PATJ: variants seen among roughly 807,000 people sequenced by gnomAD.
PATJ encodes the protein inaD-like protein.
In PATJ, 190 loss-of-function variants were observed where a neutral mutation model predicts 224.9. That is an observed-to-expected ratio of 0.84 (90% CI 0.75 to 0.95). PATJ has a LOEUF of 0.95. PATJ is among the 40% of genes least tolerant of loss of function. The probability of loss-of-function intolerance (pLI) is 0.00; values close to 1 mark genes in which losing one functional copy is unlikely to be tolerated. For synonymous variants in PATJ, 769 were observed against 820.3 expected (o/e 0.94, Z 1.07); for missense variants, 2,121 against 2,270.3 (o/e 0.93, Z 1.34).
intron 24 of PATJ, among the ~76,000 whole-genome samples, chr1:61,906,117 A>G (rs1021754073): frequency 2.0e-5 from 3 of 152,176 alleles, no homozygotes; most frequent in Admixed American, 2.0e-4. Context: ...AGGGCAGCTC[A>G]GAGAAACACA....
At position 62,151,484 on chromosome 1, in the gene PATJ, G is replaced by A. The variant is rs374785512; in HGVS notation, c.5379-1874G>A. Reference sequence around the variant, plus strand: ...CAGGCGCCTGTAGTCCCAGCTACTCGGGAGGCTGAGGCAGGAGAATGGCAT... The same window carrying A: ...CAGGCGCCTGTAGTCCCAGCTACTCAGGAGGCTGAGGCAGGAGAATGGCAT... On this transcript the variant is annotated intron_variant, in intron 42 of 43. Coordinates refer to ENST00000642238, the MANE Select transcript of PATJ (RefSeq NM_001350145.3). Among the ~76,000 whole-genome samples the A allele has an allele frequency of 4.5e-3, 692 of 152,138 alleles. 4 individuals carry two copies. Among genetic ancestry groups the A allele is most frequent in the African/African-American group, 0.016 (655 of 41,500 alleles).
At chr1:62,026,929 T>C (rs776376545) in intron 29 of PATJ, among the ~76,000 whole-genome samples, 4 of 152,180 alleles carry the variant, frequency 2.6e-5, no homozygotes, top group Non-Finnish European at 4.4e-5. Context: ...CATAGCAACA[T>C]TATTTGCTGT....
chr1:62,137,580 C>T (rs1181369886), intron 41 of PATJ, among the ~76,000 whole-genome samples: 10 of 111,144 alleles, frequency 9.0e-5, no homozygotes, highest in African/African-American at 1.1e-4. Context: ...GGGACAGAGG[C>T]CTGAGGGGGA....
chr1:61,772,054 A>G (rs920316619), intron 6 of PATJ, among the ~76,000 whole-genome samples: 1 of 149,618 alleles, frequency 6.7e-6, no homozygotes, highest in Non-Finnish European at 1.5e-5. Context: ...AAAGATGATC[A>G]TATCTCTGAA....
intron 41 of PATJ, among the ~76,000 whole-genome samples, chr1:62,136,665 C>CTG (rs71050202): frequency 4.1e-3 from 190 of 46,844 alleles, no homozygotes; most frequent in African/African-American, 8.3e-3. Context: ...GTGTGTGTGT[C>CTG]TGTGTGTGTG....
At chr1:61,750,594 TG>T (rs749505896) in intron 1 of PATJ, among the ~76,000 whole-genome samples, 1 of 151,908 alleles carries the variant, frequency 6.6e-6, no homozygotes, top group African/African-American at 2.4e-5. Context: ...CCCGCGACCA[TG>T]CCTGGCTAAT....
chr1:61,821,771 T>C (rs765373256), intron 14 of PATJ, among the ~76,000 whole-genome samples: 1 of 152,162 alleles, frequency 6.6e-6, no homozygotes, highest in Non-Finnish European at 1.5e-5. Flanking sequence ...ATACAGGAAA[T>C]GCAAATCATC....
At chr1:61,881,629 C>G (rs1422525404) in intron 21 of PATJ, among the ~76,000 whole-genome samples, 1 of 152,050 alleles carries the variant, frequency 6.6e-6, no homozygotes, top group African/African-American at 2.4e-5. Flanking sequence ...CCAGGCTGGT[C>G]TCGAACTCCT....
intron 28 of PATJ, among the ~76,000 whole-genome samples, chr1:62,009,303 A>G (rs956997867): frequency 6.6e-6 from 1 of 152,228 alleles, no homozygotes; most frequent in Non-Finnish European, 1.5e-5. Flanking sequence ...TAAAGCAAGT[A>G]TCAGAATAAG....
chr1:61,974,405 C>CTCT (rs1434777894), intron 27 of PATJ, among the ~76,000 whole-genome samples: 52 of 64,280 alleles, frequency 8.1e-4, no homozygotes, highest in African/African-American at 3.2e-3. Context: ...CTCTCTCTCT[C>CTCT]TTTTTTTTTT....
intron 23 of PATJ, among the ~76,000 whole-genome samples, chr1:61,900,675 T>C (rs2482891): frequency 0.7 from 106,475 of 151,758 alleles, 37,473 homozygotes; most frequent in East Asian, 0.86. Context: ...CTGCAAGCTC[T>C]GCCTCCCGGG....
chr1:61,890,929 G>A (rs1669522013), intron 22 of PATJ, among the ~76,000 whole-genome samples: 1 of 152,112 alleles, frequency 6.6e-6, no homozygotes. Flanking sequence ...TTTAATAGAA[G>A]GTTTGCAGTG....
intron 17 of PATJ, among the ~76,000 whole-genome samples, chr1:61,842,113 C>T (rs1661192662): frequency 6.6e-6 from 1 of 152,064 alleles, no homozygotes; most frequent in Admixed American, 6.5e-5. Flanking sequence ...TTGTAGTGTG[C>T]TCAGGATGAC....
intron 24 of PATJ, among the ~76,000 whole-genome samples, chr1:61,907,767 T>A (rs1672052832): frequency 6.6e-6 from 1 of 152,236 alleles, no homozygotes; most frequent in Non-Finnish European, 1.5e-5. Context: ...CAGAGTGTGC[T>A]CTTGGAGATT....
At chr1:62,102,932 T>G (rs1662391851) in intron 33 of PATJ, among the ~76,000 whole-genome samples, 1 of 150,690 alleles carries the variant, frequency 6.6e-6, no homozygotes, top group African/African-American at 2.4e-5. Context: ...AGGGGGCCTA[T>G]GCATCATGCT....
chr1:62,097,034 C>A lies in PATJ; in HGVS notation c.4378-11403C>A, dbSNP rs567635844. 3.9e-5 allele frequency among the ~76,000 whole-genome samples: 6 copies of A among 152,270 alleles called. No homozygotes were observed. In the South Asian group the frequency reaches 1.2e-3, roughly 32 times the overall value. On this transcript the variant is annotated intron_variant, in intron 33 of 43. Coordinates refer to ENST00000642238, the MANE Select transcript of PATJ (RefSeq NM_001350145.3). ...AGCTGACACTTTACTTGGCATATAA[C>A]CCCATCTCATCCTGAAAATCTAAAA...
At position 61,908,255 on chromosome 1, in the gene PATJ, G is replaced by A. The variant is rs142436757; in HGVS notation, c.3382-117G>A. The stretch of plus-strand genomic sequence containing the variant: ...GGGCCAATCTTATTTTTTTCTGACC[G>A]TCTACTCATTAGACTCTGGTTGTTC... On this transcript the variant is annotated intron_variant, in intron 24 of 43. Transcript: ENST00000642238. 3.0e-4 allele frequency: 196 copies of A among 649,128 alleles called. 1 individual carries two copies. Among genetic ancestry groups the A allele is most frequent in the African/African-American group, 3.0e-3 (158 of 52,356 alleles). 40.2% of individuals were successfully genotyped at this position (649,128 alleles called of 1,614,324 possible). A position where few individuals can be genotyped will look rare whatever the true frequency, so the allele number is the denominator to read the frequency against.
intron 38 of PATJ, 122 bp from the exon 39 acceptor site, chr1:62,122,899 G>A (rs937512970): frequency 1.9e-6 from 1 of 527,188 alleles, no homozygotes; most frequent in Non-Finnish European, 3.1e-6. Flanking sequence ...TACAATACCT[G>A]CTTGCTTTAG....
chr1:62,118,693 G>T (rs1024295328), intron 37 of PATJ, among the ~76,000 whole-genome samples: 1 of 152,046 alleles, frequency 6.6e-6, no homozygotes, highest in Non-Finnish European at 1.5e-5. Context: ...GCAATGGCGC[G>T]ATCTCAGCTC....
Sources: gnomAD v4.1 joint callset for allele counts (sites outside exome capture counted in the v4.1 genomes callset) on GRCh38, gnomAD v4.1.1 for gene constraint, MANE v1.5 for transcripts, NCBI Gene and HGNC (gene_info 2026-07-23, HGNC 2026-07-21) for gene names.